The following TMEM131 variants were observed in gnomAD, a reference collection of about 807,000 sequenced individuals.
The protein encoded by TMEM131 is 2610524E03Rik.
In TMEM131, 66 loss-of-function variants were observed where a neutral mutation model predicts 211.6. The ratio of observed to expected loss-of-function variants is 0.31; its 90% CI spans 0.26 to 0.38. TMEM131 has a LOEUF of 0.38. Ranked by LOEUF, TMEM131 falls within the 10% of genes least tolerant of loss-of-function variation. The probability of loss-of-function intolerance (pLI) is 1.00; values close to 1 mark genes in which losing one functional copy is unlikely to be tolerated. For missense variants in TMEM131, 2,036 were observed against 2,299.3 expected (o/e 0.89, Z 2.34); for synonymous variants, 844 against 841.3 (o/e 1.00, Z -0.06).
At chr2:97,918,724 T>C (rs1006233745) in intron 2 of TMEM131, among the ~76,000 whole-genome samples, 7 of 152,086 alleles carry the variant, frequency 4.6e-5, no homozygotes, top group African/African-American at 1.4e-4. Context: ...ACAAACCAAA[T>C]GCAAAAAGGC....
intron 22 of TMEM131, among the ~76,000 whole-genome samples, chr2:97,804,847 T>TG (rs1681215239): frequency 6.6e-6 from 1 of 152,114 alleles, no homozygotes; most frequent in African/African-American, 2.4e-5. Context: ...AATATTTTCT[T>TG]GGAGTGTAAG....
At chr2:97,993,026 T>C (rs766796897) in intron 1 of TMEM131, among the ~76,000 whole-genome samples, 12 of 152,190 alleles carry the variant, frequency 7.9e-5, no homozygotes, top group Non-Finnish European at 1.3e-4. Flanking sequence ...TGCTTCTGAC[T>C]CAAGAAAATC....
intron 32 of TMEM131, among the ~76,000 whole-genome samples, chr2:97,773,319 G>C (rs1679555076): frequency 6.6e-6 from 1 of 152,232 alleles, no homozygotes; most frequent in Non-Finnish European, 1.5e-5. Context: ...GGATTACCAA[G>C]AGGGCCCAGT....
chr2:97,777,999 A>G (rs1337847388), intron 31 of TMEM131, among the ~76,000 whole-genome samples: 1 of 152,222 alleles, frequency 6.6e-6, no homozygotes, highest in Non-Finnish European at 1.5e-5. Flanking sequence ...GCCCAGGCTG[A>G]GAATACTTCA....
intron 1 of TMEM131, among the ~76,000 whole-genome samples, chr2:97,941,610 A>C (rs1292275465): frequency 1.3e-5 from 2 of 152,216 alleles, no homozygotes; most frequent in Non-Finnish European, 2.9e-5. Context: ...TCGACAAAGA[A>C]CTTAAACGAA....
At chr2:97,809,906 T>C (rs1681476275) in intron 18 of TMEM131, 132 bp from the exon 19 acceptor site, 1 of 642,470 alleles carries the variant, frequency 1.6e-6, no homozygotes. Context: ...ATACCAATAT[T>C]AAAATCACCC....
chr2:97,961,313 T>G (rs573210232), intron 1 of TMEM131, among the ~76,000 whole-genome samples: 32 of 152,326 alleles, frequency 2.1e-4, no homozygotes, highest in Non-Finnish European at 5.9e-5. Context: ...TCCAATTGTT[T>G]GTATACTTGT....
chr2:97,898,416 G>T (rs1011356802), intron 3 of TMEM131, among the ~76,000 whole-genome samples: 1 of 152,120 alleles, frequency 6.6e-6, no homozygotes, highest in Non-Finnish European at 1.5e-5. Context: ...TGACTATTAT[G>T]TGGAGACAGG....
rs149140492 is a variant in TMEM131 at position 97,813,675 on chromosome 2, T to C, written c.1617+296A>G. ...TTCTACCTATCATTTTTCTATTTAG[T>C]TCTTTTCTATATTCCCCATTATTAC... On this transcript the variant is annotated intron_variant, in intron 15 of 40. Transcript: ENST00000186436. Among the ~76,000 whole-genome samples, 591 of 152,360 alleles carry C rather than the reference T, an allele frequency of 3.9e-3. 2 individuals are homozygous for C. Among genetic ancestry groups the C allele is most frequent in the Non-Finnish European group, 6.5e-3 (441 of 68,032 alleles).
intron 39 of TMEM131, 160 bp from the exon 40 acceptor site, chr2:97,759,213 TG>T: frequency 1.2e-6 from 1 of 849,060 alleles, no homozygotes; most frequent in African/African-American, 1.7e-5. Flanking sequence ...GGGGCAGGAG[TG>T]TCCTCCAGAA....
intron 13 of TMEM131, among the ~76,000 whole-genome samples, chr2:97,814,789 A>G (rs1192309383): frequency 6.6e-6 from 1 of 152,214 alleles, no homozygotes; most frequent in Non-Finnish European, 1.5e-5. Flanking sequence ...CCATTTATAA[A>G]AAGTTGTAAT....
At chr2:97,921,759 TGTCACAAAGG>T (rs1368563151) in intron 2 of TMEM131, among the ~76,000 whole-genome samples, 2 of 152,110 alleles carry the variant, frequency 1.3e-5, no homozygotes, top group Non-Finnish European at 2.9e-5. Flanking sequence ...ACTTAACGGA[TGTCACAAAGG>T]AAGATATCCA....
chr2:97,845,671 C>T (rs1372882822), intron 5 of TMEM131, among the ~76,000 whole-genome samples: 2 of 148,192 alleles, frequency 1.3e-5, no homozygotes, highest in Non-Finnish European at 3.0e-5. Context: ...TGTTTTGAGA[C>T]ACTAGAAAAA....
intron 3 of TMEM131, among the ~76,000 whole-genome samples, chr2:97,889,300 T>G (rs1338533593): frequency 3.3e-5 from 5 of 152,190 alleles, no homozygotes; most frequent in African/African-American, 1.2e-4. Flanking sequence ...TACTAAAGCA[T>G]GAAACTAAAG....
At chr2:97,923,803 AT>A (rs1676856296) in intron 2 of TMEM131, among the ~76,000 whole-genome samples, 1 of 152,102 alleles carries the variant, frequency 6.6e-6, no homozygotes, top group South Asian at 2.1e-4. Flanking sequence ...AAAAAGTTAG[AT>A]TAGGCCGGGC....
chr2:97,995,566 C>A lies in TMEM131; in HGVS notation c.97G>T (p.Gly33Trp). ...CCGGCGGCCGCGCTCCGCGGGCCCC[C>A]GCTACGGGCGGCCGCAGGTTCCAGC... is the stretch of plus-strand genomic sequence containing the variant. Reference protein sequence around the residue: ...AGLEPAAARSGGPRSAAAGLL... With the variant: ...AGLEPAAARSWGPRSAAAGLL... The change falls in exon 1 of 41, where the codon GGG becomes TGG. Residue 33 changes from glycine (G) to tryptophan (W), a missense_variant. Coordinates refer to ENST00000186436, the MANE Select transcript of TMEM131 (RefSeq NM_015348.2). 1.5e-6 allele frequency: 2 copies of A among 1,309,732 alleles called. No homozygotes were observed. Among genetic ancestry groups the A allele is most frequent in the Non-Finnish European group, 9.7e-7 (1 of 1,028,772 alleles). 81.1% of individuals were successfully genotyped at this position (1,309,732 alleles called of 1,614,324 possible).
intron 4 of TMEM131, among the ~76,000 whole-genome samples, chr2:97,882,173 G>GT (rs1160171254): frequency 6.6e-6 from 1 of 152,132 alleles, no homozygotes; most frequent in Non-Finnish European, 1.5e-5. Flanking sequence ...CTCTTTGTTT[G>GT]TATCTATGGG....
chr2:97,909,803 T>G (rs536824920), intron 2 of TMEM131, among the ~76,000 whole-genome samples: 19 of 152,220 alleles, frequency 1.2e-4, no homozygotes, highest in African/African-American at 4.1e-4. Flanking sequence ...TTTGTGTGTG[T>G]GGGGAGGTGT....
Position 97,775,905 on chromosome 2 carries a change from C to T in TMEM131, c.4258G>A (p.Asp1420Asn). The T allele has an allele frequency of 6.2e-7, 1 of 1,613,998 alleles. No homozygotes were observed. Among genetic ancestry groups the T allele is most frequent in the South Asian group, 1.1e-5 (1 of 91,070 alleles). The change falls in exon 32 of 41, where the codon GAT becomes AAT. Residue 1420 changes from aspartate (D) to asparagine (N), a missense_variant. This residue lies in a region of TMEM131 where 1,623 missense variants were observed against 1,805.9 expected (regional missense o/e 0.90). Coordinates refer to ENST00000186436, the MANE Select transcript of TMEM131 (RefSeq NM_015348.2). ...EDELKDSLADDDSSSTTTETS... is the reference protein window; with the variant it reads ...EDELKDSLADNDSSSTTTETS... ...TCTGTGGTGGTGGAGGAGCTATCAT[C>T]ATCAGCCAAAGAGTCCTTCAGCTCA...
Sources: allele counts gnomAD v4.1 joint callset (sites outside exome capture counted in the v4.1 genomes callset), GRCh38; gene constraint gnomAD v4.1.1; regional missense constraint gnomAD v4.1.1; transcripts MANE v1.5; gene names NCBI Gene and HGNC (gene_info 2026-07-23, HGNC 2026-07-21).